KIF6: variants seen among roughly 807,000 people sequenced by gnomAD.
The protein encoded by KIF6 is kinesin family member 6, also known as kinesin-like protein KIF6.
KIF6 carries 106 observed loss-of-function variants against 112.7 expected under a neutral mutation model. The ratio of observed to expected loss-of-function variants is 0.94; its 90% CI spans 0.80 to 1.11. The LOEUF (loss-of-function observed/expected upper bound fraction) is 1.11. Among genes scored for constraint, KIF6 ranks in the 50% least tolerant of loss-of-function variants. The probability of loss-of-function intolerance (pLI) is 0.00; values close to 1 mark genes in which losing one functional copy is unlikely to be tolerated. For missense variants in KIF6, 929 were observed against 964.0 expected, an observed-to-expected ratio of 0.96 and a Z score of 0.48; for synonymous variants, 339 against 339.9, an observed-to-expected ratio of 1.00 and a Z score of 0.03.
chr6:39,586,691 C>T (rs939431551), intron 7 of KIF6, among the ~76,000 whole-genome samples: 19 of 152,062 alleles, frequency 1.2e-4, no homozygotes, highest in African/African-American at 3.9e-4. Context: ...CTGTTTTTAA[C>T]GATTGGAAAA....
At chr6:39,448,191 TGAG>T (rs1200894192) in intron 13 of KIF6, among the ~76,000 whole-genome samples, 2 of 152,154 alleles carry the variant, frequency 1.3e-5, no homozygotes, top group Non-Finnish European at 2.9e-5. Flanking sequence ...ATTTTTTTTT[TGAG>T]ATGAAGTCTT....
At chr6:39,394,589 C>T (rs930659886) in intron 15 of KIF6, among the ~76,000 whole-genome samples, 1 of 152,136 alleles carries the variant, frequency 6.6e-6, no homozygotes, top group African/African-American at 2.4e-5. Context: ...GGTGGGGGCA[C>T]CTCTGAGAAG....
chr6:39,624,187 C>A (rs1783969078), intron 5 of KIF6, among the ~76,000 whole-genome samples: 1 of 152,114 alleles, frequency 6.6e-6, no homozygotes, highest in South Asian at 2.1e-4. Context: ...GCAGAAGCCT[C>A]TTCAGGTGTT....
intron 15 of KIF6, among the ~76,000 whole-genome samples, chr6:39,394,486 A>G (rs1768111557): frequency 6.6e-6 from 1 of 152,202 alleles, no homozygotes; most frequent in Non-Finnish European, 1.5e-5. Flanking sequence ...TGTGTTATTC[A>G]CCAGCAGCCT....
intron 8 of KIF6, among the ~76,000 whole-genome samples, chr6:39,585,990 A>T (rs1362655827): frequency 6.6e-6 from 1 of 152,208 alleles, no homozygotes; most frequent in Non-Finnish European, 1.5e-5. Context: ...TTGCCAACCC[A>T]TCAGTAGGCC....
chr6:39,711,407 A>G (rs567726493), intron 3 of KIF6, among the ~76,000 whole-genome samples: 3 of 152,224 alleles, frequency 2.0e-5, no homozygotes, highest in South Asian at 2.1e-4. Flanking sequence ...GGAAAGAACT[A>G]TTAACACAGA....
intron 13 of KIF6, among the ~76,000 whole-genome samples, chr6:39,449,720 G>C (rs912826145): frequency 6.6e-6 from 1 of 152,186 alleles, no homozygotes; most frequent in Non-Finnish European, 1.5e-5. Context: ...GGAAGGGAGA[G>C]AGCAGTCGCA....
intron 3 of KIF6, among the ~76,000 whole-genome samples, chr6:39,641,978 G>A (rs2465674): frequency 0.12 from 18,741 of 152,002 alleles, 3,707 homozygotes; most frequent in African/African-American, 0.42. Flanking sequence ...TATTTATTAC[G>A]TTGCTACAAT....
At chr6:39,590,425 G>GTATA (rs1166869945) in intron 7 of KIF6, among the ~76,000 whole-genome samples, 13 of 117,366 alleles carry the variant, frequency 1.1e-4, no homozygotes, top group African/African-American at 2.8e-4. Flanking sequence ...GTGTATGTGT[G>GTATA]TGTGTATATA....
chr6:39,552,087 C>T (rs1471764632), intron 10 of KIF6, among the ~76,000 whole-genome samples: 1 of 152,136 alleles, frequency 6.6e-6, no homozygotes, highest in Non-Finnish European at 1.5e-5. Context: ...AGAAGCATTG[C>T]AACAAGGCAA....
At chr6:39,413,741 A>G (rs552001678) in intron 15 of KIF6, among the ~76,000 whole-genome samples, 1 of 152,218 alleles carries the variant, frequency 6.6e-6, no homozygotes, top group Admixed American at 6.5e-5. Context: ...GGAGAGAGAG[A>G]TGCATTTGAA....
chr6:39,339,403 C>T (rs774870864), intron 22 of KIF6, among the ~76,000 whole-genome samples: 12 of 152,114 alleles, frequency 7.9e-5, no homozygotes, highest in South Asian at 2.1e-4. Context: ...TTGGAATTTC[C>T]GCCTTTTCCC....
At position 39,342,393 on chromosome 6, in the gene KIF6, C is replaced by A. The variant is rs145093649; in HGVS notation, c.2428+1316G>T. 2.6e-3 allele frequency among the ~76,000 whole-genome samples: 393 copies of A among 152,284 alleles called. 4 individuals carry two copies. The highest frequency in any genetic ancestry group is 9.1e-3 in the African/African-American group (377 of 41,572). On this transcript the variant is annotated intron_variant, in intron 22 of 22. Transcript: ENST00000287152. The surrounding 1 kb of genome is among the most constrained non-coding windows in gnomAD (Gnocchi z 4.7). ...TTCATTGTCTGTCTCCTTCCTCCCC[C>A]TAGAATGTCAGTTTCTCACGTGCTG...
chr6:39,559,951 G>T (rs1779925997), intron 10 of KIF6, among the ~76,000 whole-genome samples: 1 of 151,770 alleles, frequency 6.6e-6, no homozygotes, highest in African/African-American at 2.4e-5. Context: ...GCTAAAATAG[G>T]GTTGCAAATA....
In KIF6 at chr6:39,343,508, T is replaced by G. The variant is rs537408346; in HGVS notation, c.2428+201A>C. The G allele has an allele frequency of 4.1e-4, 611 of 1,483,058 alleles. No homozygotes were observed. The highest frequency in any genetic ancestry group is 1.4e-3 in the Middle Eastern group (7 of 5,142). The allele number at this position is 1,483,058 out of a possible 1,614,324, so 91.9% of individuals were successfully genotyped here. On this transcript the variant is annotated intron_variant, in intron 22 of 22. Coordinates refer to ENST00000287152, the MANE Select transcript of KIF6 (RefSeq NM_145027.6). The surrounding 1 kb of genome is among the most constrained non-coding windows in gnomAD (Gnocchi z 4.1). ...TGGGCCGCCCACCCACTTGGGCCTG[T>G]CTTGGTGTTTCTGATGCTGCCCCTT...
intron 3 of KIF6, among the ~76,000 whole-genome samples, chr6:39,648,081 T>C: frequency 6.6e-6 from 1 of 150,530 alleles, no homozygotes; most frequent in East Asian, 2.0e-4. Context: ...TGGAGTGCAG[T>C]GGCATGATCT....
At chr6:39,704,589 G>A (rs533888747) in intron 3 of KIF6, among the ~76,000 whole-genome samples, 1 of 151,990 alleles carries the variant, frequency 6.6e-6, no homozygotes, top group Non-Finnish European at 1.5e-5. Flanking sequence ...CCGCACTCCA[G>A]CCTGGGTGAC....
At chr6:39,657,504 C>A (rs1407028640) in intron 3 of KIF6, among the ~76,000 whole-genome samples, 2 of 152,114 alleles carry the variant, frequency 1.3e-5, no homozygotes, top group Non-Finnish European at 2.9e-5. Context: ...ACAACTAAAT[C>A]TCCAAAGAGA....
chr6:39,500,819 GAGAAGCAGAGAGGTGGAAGCTCTCTT>G lies in KIF6; in HGVS notation c.1645+39158_1645+39183del, dbSNP rs1049918260. ...AGAAGTAGAGAGGTGGAAGCTCTCT[GAGAAGCAGAGAGGTGGAAGCTCTCTT>G]AGAAGCAGAGAGGTGGAAGCCCTCA... On this transcript the variant is annotated intron_variant, in intron 13 of 22. Coordinates refer to ENST00000287152, the MANE Select transcript of KIF6 (RefSeq NM_145027.6). 4.6e-5 allele frequency among the ~76,000 whole-genome samples: 7 copies of G among 152,204 alleles called. No homozygotes were observed. In the East Asian group the frequency reaches 5.8e-4, roughly 13 times the overall value.
Sources: gnomAD v4.1 joint callset for allele counts (sites outside exome capture counted in the v4.1 genomes callset) on GRCh38, gnomAD v4.1.1 for gene constraint, Gnocchi (gnomAD v3.1) non-coding constraint, MANE v1.5 for transcripts, NCBI Gene and HGNC (gene_info 2026-07-23, HGNC 2026-07-21) for gene names.